The following UNC50 variants were observed in gnomAD, a reference collection of about 807,000 sequenced individuals.
UNC50 encodes the protein unc-50 inner nuclear membrane RNA binding protein.
Under a neutral mutation model 31.5 loss-of-function variants are expected in UNC50, and 24 were observed. The ratio of observed to expected loss-of-function variants is 0.76; its 90% CI spans 0.55 to 1.07. The LOEUF (loss-of-function observed/expected upper bound fraction) is 1.07. UNC50 is among the 50% of genes least tolerant of loss of function. The pLI is 0.00. For missense variants in UNC50, 245 were observed against 304.2 expected, an observed-to-expected ratio of 0.81 and a Z score of 1.45; for synonymous variants, 118 against 114.7, an observed-to-expected ratio of 1.03 and a Z score of -0.18.
intron 1 of UNC50, 157 bp downstream of exon 1, chr2:98,608,883 G>A (rs1406306442): frequency 4.0e-6 from 1 of 250,450 alleles, no homozygotes; most frequent in African/African-American, 2.4e-5. Context: ...TAAAATGAAA[G>A]GACGCCCAGT....
At chr2:98,609,636 T>C in intron 1 of UNC50, 120 bp from the exon 2 acceptor site, 1 of 1,500,720 alleles carries the variant, frequency 6.7e-7, no homozygotes, top group Non-Finnish European at 9.0e-7. Flanking sequence ...TCCTGGCCTT[T>C]CTCTAGGGTT....
rs774340672 is a variant in UNC50, at chr2:98,616,416, G to A, written c.542-16G>A. ...GCATTGGTAAAGGGACTCATGGTCT[G>A]CGTCTCTTCTGGCAGATGTTATCCT... On this transcript the variant is annotated splice_polypyrimidine_tract_variant and intron_variant, in intron 4 of 5. Transcript: ENST00000357765. 6.2e-7 allele frequency: 1 copy of A among 1,613,842 alleles called. No homozygotes were observed.
Position 98,609,924 on chromosome 2 carries a change from C to T in UNC50, c.165C>T (p.Tyr55=), listed in dbSNP as rs778458053. The T allele has an allele frequency of 4.3e-6, 7 of 1,614,056 alleles. No individual in the cohort carries two copies. Among genetic ancestry groups the T allele is most frequent in the Non-Finnish European group, 5.9e-6 (7 of 1,180,046 alleles). ...AATTTGCTGCCTGGCAGATGCTCTA[C>T]CTGTTCACATCCCCACAGAGAGTTT... ...DFEFAAWQML[Y]LFTSPQRVYR... The change falls in exon 2 of 6, where the codon TAC becomes TAT. Residue 55 remains tyrosine, a synonymous_variant. Coordinates refer to ENST00000357765, the MANE Select transcript of UNC50 (RefSeq NM_014044.7).
At chr2:98,611,664 C>T (rs991489358) in intron 3 of UNC50, among the ~76,000 whole-genome samples, 7 of 151,988 alleles carry the variant, frequency 4.6e-5, no homozygotes, top group Non-Finnish European at 8.8e-5. Flanking sequence ...TTTGGGGTCC[C>T]GAGATTTATT....
At chr2:98,612,849 AGTC>A (rs1700858146) in intron 3 of UNC50, among the ~76,000 whole-genome samples, 1 of 152,244 alleles carries the variant, frequency 6.6e-6, no homozygotes, top group Admixed American at 6.5e-5. Context: ...ACTGTACTGT[AGTC>A]TTTTAAGTGT....
chr2:98,609,368 A>G, intron 1 of UNC50: 1 of 295,026 alleles, frequency 3.4e-6, no homozygotes, highest in Non-Finnish European at 6.5e-6. Context: ...ACCGGCTGAA[A>G]CTGCTTTCTT....
chr2:98,609,670 C>G (rs1483445911), intron 1 of UNC50, 86 bp from the exon 2 acceptor site: 1 of 1,588,666 alleles, frequency 6.3e-7, no homozygotes, highest in African/African-American at 1.3e-5. Context: ...AAAGTGACCT[C>G]CCTGCCAAAT....
In UNC50 at chr2:98,609,884, G is replaced by C; in HGVS notation, c.125G>C (p.Arg42Pro). The C allele has an allele frequency of 5.6e-6, 9 of 1,614,142 alleles. No homozygotes were observed. Among genetic ancestry groups the C allele is most frequent in the African/African-American group, 1.3e-5 (1 of 75,022 alleles). The change falls in exon 2 of 6, where the codon CGG (arginine) becomes CCG (proline). Residue 42 changes from arginine to proline, a missense_variant. Coordinates refer to ENST00000357765, the MANE Select transcript of UNC50 (RefSeq NM_014044.7). ...TATCTGAGAAGGCTTTTCCGCTTTCGGCAAATGGACTTTGAATTTGCTGCC... is the reference window on the plus strand; with the variant it reads ...TATCTGAGAAGGCTTTTCCGCTTTCCGCAAATGGACTTTGAATTTGCTGCC... ...YKYLRRLFRFRQMDFEFAAWQ... is the reference protein window; with the variant it reads ...YKYLRRLFRFPQMDFEFAAWQ...
At chr2:98,614,829 A>G (rs1700894072) in intron 3 of UNC50, among the ~76,000 whole-genome samples, 1 of 152,324 alleles carries the variant, frequency 6.6e-6, no homozygotes, top group Non-Finnish European at 1.5e-5. Context: ...ATTTTCAGAT[A>G]ACGAAATGCA....
chr2:98,611,243 G>A (rs181648756), intron 3 of UNC50, among the ~76,000 whole-genome samples: 1 of 152,184 alleles, frequency 6.6e-6, no homozygotes, highest in Admixed American at 6.5e-5. Context: ...GCCCAAGGTG[G>A]TCGGGGCACA....
intron 3 of UNC50, among the ~76,000 whole-genome samples, chr2:98,612,106 A>C (rs1700843505): frequency 6.6e-6 from 1 of 152,058 alleles, no homozygotes; most frequent in Non-Finnish European, 1.5e-5. Context: ...TGTGGTTGGC[A>C]TGCTGGATGA....
chr2:98,609,930 C>G lies in UNC50; in HGVS notation c.171C>G (p.Phe57Leu), dbSNP rs367728351. The G allele has an allele frequency of 1.4e-5, 22 of 1,614,036 alleles. No homozygotes were observed. Among genetic ancestry groups the G allele is most frequent in the Non-Finnish European group, 1.8e-5 (21 of 1,180,032 alleles). The change falls in exon 2 of 6, where the codon TTC becomes TTG. Residue 57 changes from phenylalanine to leucine, a missense_variant. By Grantham distance (22) the Phe-to-Leu change is conservative (BLOSUM62 0). Transcript: ENST00000357765. ...EFAAWQMLYL[F>L]TSPQRVYRNF... The stretch of plus-strand genomic sequence containing the variant: ...CTGCCTGGCAGATGCTCTACCTGTT[C>G]ACATCCCCACAGAGAGTTTACAGAA...
At position 98,616,200 on chromosome 2, in the gene UNC50, C is replaced by A. The variant is rs759924559; in HGVS notation, c.402-7C>A. The A allele has an allele frequency of 1.3e-6, 2 of 1,597,500 alleles. No homozygotes were observed. Among genetic ancestry groups the A allele is most frequent in the South Asian group, 2.3e-5 (2 of 87,258 alleles). ...TATTATGAAAGAAATTTTAATTTTGCTCTTAGGTTCATCTCTAACAAGTAT... is the reference window on the plus strand; with the variant it reads ...TATTATGAAAGAAATTTTAATTTTGATCTTAGGTTCATCTCTAACAAGTAT... On this transcript the variant is annotated splice_region_variant and splice_polypyrimidine_tract_variant and intron_variant, in intron 3 of 5. Coordinates refer to ENST00000357765, the MANE Select transcript of UNC50 (RefSeq NM_014044.7).
intron 3 of UNC50, among the ~76,000 whole-genome samples, chr2:98,611,140 A>G (rs1296799083): frequency 6.6e-6 from 1 of 152,248 alleles, no homozygotes; most frequent in East Asian, 1.9e-4. Flanking sequence ...TTTGAACCCA[A>G]AATATCTGAG....
intron 5 of UNC50, among the ~76,000 whole-genome samples, chr2:98,617,467 G>T (rs1700946462): frequency 1.3e-5 from 2 of 152,202 alleles, no homozygotes; most frequent in Admixed American, 6.5e-5. Flanking sequence ...GAACACTGCA[G>T]CACTGTGGTT....
chr2:98,612,944 T>C (rs750903076), intron 3 of UNC50, among the ~76,000 whole-genome samples: 5 of 152,208 alleles, frequency 3.3e-5, no homozygotes, highest in Non-Finnish European at 7.3e-5. Flanking sequence ...CACAGAGACA[T>C]GAAGTGGGCA....
chr2:98,617,118 A>ATTT (rs1700936835), intron 5 of UNC50, among the ~76,000 whole-genome samples: 1 of 152,272 alleles, frequency 6.6e-6, no homozygotes, highest in Non-Finnish European at 1.5e-5. Flanking sequence ...TTGTCAGTTC[A>ATTT]TTTTTCTTAA....
rs143474605 is a variant in UNC50 at position 98,615,393 on chromosome 2, C to T, written c.402-814C>T. 3.8e-3 allele frequency among the ~76,000 whole-genome samples: 584 copies of T among 152,262 alleles called. 4 individuals are homozygous for T. The highest frequency in any genetic ancestry group is 0.013 in the African/African-American group (524 of 41,514). On this transcript the variant is annotated intron_variant, in intron 3 of 5. Coordinates refer to ENST00000357765, the MANE Select transcript of UNC50 (RefSeq NM_014044.7). ...TAACAGGTCCAAATTCAAACTTCCGCACACTCCTTCCCACCTCAAAACCAC... is the reference window on the plus strand; with the variant it reads ...TAACAGGTCCAAATTCAAACTTCCGTACACTCCTTCCCACCTCAAAACCAC...
In UNC50 at chr2:98,618,512, T is replaced by A; in HGVS notation, c.*208T>A. ...TTTCTATAATAAATATTTTTTAAAC[T>A]AAAGCATGTGTGTTCACTCTAATAT... is the stretch of plus-strand genomic sequence containing the variant. On this transcript the variant is annotated 3_prime_UTR_variant, in exon 6 of 6. Transcript: ENST00000357765. The A allele has an allele frequency of 5.0e-6, 2 of 398,406 alleles. No homozygotes were observed. Among genetic ancestry groups the A allele is most frequent in the Non-Finnish European group, 8.4e-6 (2 of 238,354 alleles). 24.7% of individuals were successfully genotyped at this position (398,406 alleles called of 1,614,324 possible).
Sources: gnomAD v4.1 joint callset for allele counts (sites outside exome capture counted in the v4.1 genomes callset) on GRCh38, gnomAD v4.1.1 for gene constraint, MANE v1.5 for transcripts, NCBI Gene and HGNC (gene_info 2026-07-23, HGNC 2026-07-21) for gene names.